TFDP2: variants seen among roughly 807,000 people sequenced by gnomAD.
TFDP2 encodes the protein transcription factor Dp-2 (E2F dimerization partner 2).
TFDP2 carries 17 observed loss-of-function variants against 59.3 expected under a neutral mutation model. The ratio of observed to expected loss-of-function variants is 0.29; its 90% CI spans 0.20 to 0.43. The LOEUF (loss-of-function observed/expected upper bound fraction) is 0.43, where lower values mean the gene tolerates loss of function less well. Among genes scored for constraint, TFDP2 ranks in the 20% least tolerant of loss-of-function variants. TFDP2 has a pLI of 1.00. For missense variants in TFDP2, 391 were observed against 528.8 expected (o/e 0.74, Z 2.56); for synonymous variants, 180 against 194.7 (o/e 0.92, Z 0.63).
At chr3:142,128,788 G>T (rs1361304980) in intron 1 of TFDP2, among the ~76,000 whole-genome samples, 2 of 151,986 alleles carry the variant, frequency 1.3e-5, no homozygotes, top group South Asian at 2.1e-4. Flanking sequence ...GTAAAACAAA[G>T]AAATTTTTTT....
intron 4 of TFDP2, among the ~76,000 whole-genome samples, chr3:141,999,048 TG>T (rs757598801): frequency 2.2e-4 from 34 of 152,192 alleles, no homozygotes; most frequent in Non-Finnish European, 4.3e-4. Context: ...CTTATACAGT[TG>T]ACCCTTGAAC....
rs957138539 is a variant in TFDP2 at position 141,946,304 on chromosome 3, T to C, written c.*6209A>G. 1.3e-5 allele frequency: 2 copies of C among 152,258 alleles called. No individual in the cohort carries two copies. Among genetic ancestry groups the C allele is most frequent in the Non-Finnish European group, 2.9e-5 (2 of 68,046 alleles). 9.4% of individuals were successfully genotyped at this position (152,258 alleles called of 1,614,324 possible). On this transcript the variant is annotated 3_prime_UTR_variant, in exon 13 of 13. Transcript: ENST00000489671. Reference sequence around the variant, plus strand: ...GGCCTGACCCTGAGCATCAGCTACGTTGGCCTCCAATGCAGCTATAAGCAG... The same window carrying C: ...GGCCTGACCCTGAGCATCAGCTACGCTGGCCTCCAATGCAGCTATAAGCAG...
intron 3 of TFDP2, among the ~76,000 whole-genome samples, chr3:142,075,468 A>G (rs2060410866): frequency 4.6e-5 from 7 of 152,356 alleles, no homozygotes; most frequent in Admixed American, 3.9e-4. Context: ...GCGAAAGTTT[A>G]GTATCCTGCG....
At chr3:142,002,511 C>T (rs1019106355) in intron 4 of TFDP2, among the ~76,000 whole-genome samples, 1 of 152,010 alleles carries the variant, frequency 6.6e-6, no homozygotes, top group Non-Finnish European at 1.5e-5. Context: ...AATAACATGT[C>T]CCTCACTCCT....
At chr3:142,083,854 C>A (rs2060720263) in intron 3 of TFDP2, among the ~76,000 whole-genome samples, 1 of 152,134 alleles carries the variant, frequency 6.6e-6, no homozygotes, top group Admixed American at 6.5e-5. Flanking sequence ...AAAATCAAAT[C>A]AAAGTGGACT....
intron 3 of TFDP2, among the ~76,000 whole-genome samples, chr3:142,077,022 G>A (rs1011734226): frequency 1.3e-5 from 2 of 152,218 alleles, no homozygotes; most frequent in African/African-American, 4.8e-5. Flanking sequence ...GGCAGAAAGA[G>A]AGAATCTATG....
chr3:142,116,064 C>CT (rs200540799), intron 1 of TFDP2, among the ~76,000 whole-genome samples: 12,795 of 144,504 alleles, frequency 0.089, 644 homozygotes, highest in Middle Eastern at 0.15. Flanking sequence ...CATTTTGCAA[C>CT]TTTTTTTTTT....
At chr3:142,046,333 T>C (rs947039276) in intron 3 of TFDP2, among the ~76,000 whole-genome samples, 23 of 152,324 alleles carry the variant, frequency 1.5e-4, no homozygotes, top group African/African-American at 5.3e-4. Flanking sequence ...AAATTTTCCA[T>C]AATAAAAAGC....
At chr3:142,145,153 A>G (rs1487859638) in intron 1 of TFDP2, among the ~76,000 whole-genome samples, 1 of 152,194 alleles carries the variant, frequency 6.6e-6, no homozygotes, top group Non-Finnish European at 1.5e-5. Context: ...GAACTGGAGG[A>G]AATGAAAGCT....
chr3:141,973,359 G>A (rs570736476), intron 8 of TFDP2, among the ~76,000 whole-genome samples: 38 of 151,970 alleles, frequency 2.5e-4, no homozygotes, highest in Non-Finnish European at 4.3e-4. Context: ...GATTACAGGC[G>A]TGAGCCACCG....
intron 4 of TFDP2, among the ~76,000 whole-genome samples, chr3:141,996,254 T>C (rs1943264297): frequency 6.6e-6 from 1 of 152,132 alleles, no homozygotes; most frequent in South Asian, 2.1e-4. Flanking sequence ...AGTAATAGCT[T>C]TAGAAGTATT....
chr3:142,068,724 C>T (rs1409304785), intron 3 of TFDP2, among the ~76,000 whole-genome samples: 1 of 151,678 alleles, frequency 6.6e-6, no homozygotes, highest in Non-Finnish European at 1.5e-5. Flanking sequence ...ACACCACCAC[C>T]CCCAGCTAAT....
chr3:141,976,799 C>T (rs913931514), intron 7 of TFDP2, among the ~76,000 whole-genome samples: 3 of 150,076 alleles, frequency 2.0e-5, no homozygotes, highest in Admixed American at 6.6e-5. Context: ...TTTCAAGTGC[C>T]TAGAGAACAT....
intron 3 of TFDP2, among the ~76,000 whole-genome samples, chr3:142,091,208 T>C (rs2060987036): frequency 6.6e-6 from 1 of 152,170 alleles, no homozygotes; most frequent in Admixed American, 6.5e-5. Flanking sequence ...ACAAATGTTA[T>C]CATTTTCTAT....
At chr3:142,021,519 A>T (rs1208161336) in intron 3 of TFDP2, among the ~76,000 whole-genome samples, 1 of 152,156 alleles carries the variant, frequency 6.6e-6, no homozygotes, top group Non-Finnish European at 1.5e-5. Flanking sequence ...AATAAATCTT[A>T]TATGTCAGTC....
chr3:141,967,072 A>G (rs918566557), intron 9 of TFDP2, among the ~76,000 whole-genome samples: 5 of 151,770 alleles, frequency 3.3e-5, no homozygotes, highest in Non-Finnish European at 7.4e-5. Context: ...GTGCACCACC[A>G]TGCCTGGCTA....
At chr3:142,102,126 ACC>A (rs2061332902) in intron 1 of TFDP2, among the ~76,000 whole-genome samples, 1 of 152,156 alleles carries the variant, frequency 6.6e-6, no homozygotes, top group Non-Finnish European at 1.5e-5. Context: ...TGAAAGAAAC[ACC>A]AGGGCTTCTT....
At chr3:142,074,974 C>T (rs1355460900) in intron 3 of TFDP2, among the ~76,000 whole-genome samples, 1 of 152,124 alleles carries the variant, frequency 6.6e-6, no homozygotes, top group Non-Finnish European at 1.5e-5. Flanking sequence ...GAGGAAAGGA[C>T]AGTCTTTTCA....
At position 141,947,212 on chromosome 3, in the gene TFDP2, T is replaced by C. The variant is rs1935344040; in HGVS notation, c.*5301A>G. On this transcript the variant is annotated 3_prime_UTR_variant, in exon 13 of 13. Coordinates refer to ENST00000489671, the MANE Select transcript of TFDP2 (RefSeq NM_001178139.2). ...ATACATAGTGTGGGTCTTTGGGAAA[T>C]GCATATTAGTTTTCATCAGTGCTTG... 6.6e-6 allele frequency: 1 copy of C among 152,082 alleles called. No homozygotes were observed. Among genetic ancestry groups the C allele is most frequent in the African/African-American group, 2.4e-5 (1 of 41,390 alleles). 9.4% of individuals were successfully genotyped at this position (152,082 alleles called of 1,614,324 possible).
Sources: allele counts gnomAD v4.1 joint callset (sites outside exome capture counted in the v4.1 genomes callset), GRCh38; gene constraint gnomAD v4.1.1; transcripts MANE v1.5; gene names NCBI Gene and HGNC (gene_info 2026-07-23, HGNC 2026-07-21).